Variants in TRIP12 observed in about 807,000 individuals in gnomAD.
The protein encoded by TRIP12 is E3 ubiquitin-protein ligase TRIP12.
In TRIP12, 25 loss-of-function variants were observed where a neutral mutation model predicts 244.2. That is an observed-to-expected ratio of 0.10 (90% CI 0.07 to 0.14). The LOEUF is 0.14. Among genes scored for constraint, TRIP12 ranks in the 10% least tolerant of loss-of-function variants. The pLI, the probability that TRIP12 is intolerant of heterozygous loss-of-function variation, is 1.00. For synonymous variants in TRIP12, 905 were observed against 873.1 expected (o/e 1.04, Z -0.64); for missense variants, 1,677 against 2,486.4 (o/e 0.67, Z 6.92).
chr2:229,873,563 A>G (rs978702182), intron 2 of TRIP12, among the ~76,000 whole-genome samples: 2 of 152,202 alleles, frequency 1.3e-5, no homozygotes, highest in Admixed American at 1.3e-4. Flanking sequence ...ACACAGTGTG[A>G]TCTGCCAAAG....
Position 229,778,503 on chromosome 2 carries a change from A to G in TRIP12, c.5294T>C (p.Ile1765Thr). The change falls in exon 36 of 42, where the codon ATC becomes ACC. Residue 1765 changes from isoleucine to threonine, a missense_variant. Physicochemically the swap from Ile to Thr is moderately conservative, Grantham distance 89 (BLOSUM62 -1). Coordinates refer to ENST00000675903, the MANE Select transcript of TRIP12 (RefSeq NM_001348323.3). The surrounding 1 kb of genome is among the most constrained non-coding windows in gnomAD (Gnocchi z 4.1). The stretch of plus-strand genomic sequence containing the variant: ...GCGAAACTTCATCTTAACCTTTGCG[A>G]TATGAGCTGGCTTTGCTGTCCTACC... ...PFGRTAKPAH[I>T]AKVKMKFRFL... is the part of the protein sequence containing the mutation. The G allele has an allele frequency of 6.2e-7, 1 of 1,614,064 alleles. No individual in the cohort carries two copies. Among genetic ancestry groups the G allele is most frequent in the Non-Finnish European group, 8.5e-7 (1 of 1,179,936 alleles).
At chr2:229,806,090 GC>G in intron 17 of TRIP12, 1 of 410,288 alleles carries the variant, frequency 2.4e-6, no homozygotes, top group Non-Finnish European at 4.4e-6. Context: ...TAGGTTACAT[GC>G]CTCAAGCCTT....
rs762609153 is a variant in TRIP12, at chr2:229,859,175, A to T, written c.624T>A (p.Thr208=). The T allele has an allele frequency of 5.0e-6, 8 of 1,614,016 alleles. No individual in the cohort carries two copies. The East Asian group carries it at 1.8e-4, about 36-fold the overall frequency. ...GTTTCGCAGATCTCTCTTCTGCACC[A>T]GTTGATTCAGACCCGGAGCCACTCT... The part of the protein sequence containing the change: ...CVKSGSGSES[T]GAEERSAKPT... Residue 208 remains threonine, a synonymous_variant, in exon 4 of 42, where the codon ACT becomes ACA. Transcript: ENST00000675903.
At chr2:229,922,834 C>A (rs2076795681), upstream of TRIP12, among the ~76,000 whole-genome samples, 2 of 152,206 alleles carry the variant, frequency 1.3e-5, no homozygotes, top group Non-Finnish European at 2.9e-5. Flanking sequence ...GCCTTCTCTG[C>A]CTCCCCGCGG....
chr2:229,860,635 C>G, intron 2 of TRIP12, 104 bp from the exon 3 acceptor site: 1 of 1,040,520 alleles, frequency 9.6e-7, no homozygotes, highest in Non-Finnish European at 1.3e-6. Context: ...TCCCACAATT[C>G]ATTGTTGACC....
At chr2:229,858,368 AC>A (rs980570295) in intron 4 of TRIP12, among the ~76,000 whole-genome samples, 1 of 152,242 alleles carries the variant, frequency 6.6e-6, no homozygotes, top group African/African-American at 2.4e-5. Flanking sequence ...ATCTAAAAAA[AC>A]ATATATATAT....
chr2:229,863,691 A>C (rs1347584635), intron 2 of TRIP12, among the ~76,000 whole-genome samples: 1 of 152,188 alleles, frequency 6.6e-6, no homozygotes, highest in African/African-American at 2.4e-5. Context: ...TAATGCTCAA[A>C]AATGCTGCAA....
chr2:229,827,199 G>T (rs1274943230), intron 8 of TRIP12, among the ~76,000 whole-genome samples: 1 of 151,652 alleles, frequency 6.6e-6, no homozygotes, highest in Non-Finnish European at 1.5e-5. Context: ...AGAATCGCTT[G>T]AACCTGGGAG....
At chr2:229,842,238 A>T (rs1165618764) in intron 4 of TRIP12, among the ~76,000 whole-genome samples, 1 of 152,198 alleles carries the variant, frequency 6.6e-6, no homozygotes, top group African/African-American at 2.4e-5. Context: ...CTTAAATTTC[A>T]ATCTTATTTT....
At chr2:229,825,572 A>T (rs867955949) in intron 8 of TRIP12, among the ~76,000 whole-genome samples, 4 of 152,196 alleles carry the variant, frequency 2.6e-5, no homozygotes, top group Non-Finnish European at 5.9e-5. Context: ...GCAGCAGAAA[A>T]AAGAATGAGT....
chr2:229,889,781 T>C (rs2154360899), intron 1 of TRIP12, among the ~76,000 whole-genome samples: 1 of 152,292 alleles, frequency 6.6e-6, no homozygotes, highest in South Asian at 2.1e-4. Flanking sequence ...CATTAGGTGA[T>C]TATGAAAAAT....
At chr2:229,797,977 C>T in intron 23 of TRIP12, 146 bp from the exon 24 acceptor site, 2 of 828,986 alleles carry the variant, frequency 2.4e-6, no homozygotes, top group Non-Finnish European at 3.6e-6. Context: ...ACCAAATTAA[C>T]TTTCACTTTG....
chr2:229,914,975 A>G (rs2075094661), intron 1 of TRIP12, among the ~76,000 whole-genome samples: 2 of 152,210 alleles, frequency 1.3e-5, no homozygotes, highest in South Asian at 2.1e-4. Flanking sequence ...CATATTGGCC[A>G]GGCACAGTGG....
At chr2:229,872,104 TA>T (rs34496202) in intron 2 of TRIP12, among the ~76,000 whole-genome samples, 35,718 of 105,028 alleles carry the variant, frequency 0.34, 4,728 homozygotes, top group East Asian at 0.43. Flanking sequence ...ACAGATATTG[TA>T]AAAAAAAAAA....
chr2:229,867,036 C>A (rs1206988845), intron 2 of TRIP12, among the ~76,000 whole-genome samples: 1 of 149,532 alleles, frequency 6.7e-6, no homozygotes, highest in African/African-American at 2.5e-5. Flanking sequence ...CCAAAAACTA[C>A]TTGTACCCTG....
At chr2:229,878,726 G>A (rs1390480840) in intron 2 of TRIP12, among the ~76,000 whole-genome samples, 7 of 151,098 alleles carry the variant, frequency 4.6e-5, no homozygotes, top group Admixed American at 2.0e-4. Context: ...GACTACAGGC[G>A]CCCACCACCA....
chr2:229,858,698 T>G (rs2060023718), intron 4 of TRIP12, 74 bp downstream of exon 4: 1 of 1,328,712 alleles, frequency 7.5e-7, no homozygotes, highest in Non-Finnish European at 1.0e-6. Context: ...CCCTTAACTT[T>G]AAAGCATAAT....
intron 6 of TRIP12, among the ~76,000 whole-genome samples, chr2:229,836,182 G>A (rs1412599906): frequency 6.6e-6 from 1 of 152,184 alleles, no homozygotes; most frequent in East Asian, 1.9e-4. Context: ...AAACCTGTGT[G>A]TATCATCTGA....
intron 37 of TRIP12, among the ~76,000 whole-genome samples, chr2:229,774,547 G>C (rs1223728915): frequency 6.6e-6 from 1 of 152,124 alleles, no homozygotes; most frequent in Non-Finnish European, 1.5e-5. Flanking sequence ...GTGCATAATA[G>C]GTTGCATATT....
Sources: allele counts gnomAD v4.1 joint callset (sites outside exome capture counted in the v4.1 genomes callset), GRCh38; gene constraint gnomAD v4.1.1; non-coding constraint Gnocchi (gnomAD v3.1); transcripts MANE v1.5; gene names NCBI Gene and HGNC (gene_info 2026-07-23, HGNC 2026-07-21).